OPCML: variants seen among roughly 807,000 people sequenced by gnomAD.
OPCML encodes the protein opioid binding protein/cell adhesion molecule like, also known as opioid-binding protein/cell adhesion molecule.
In OPCML, 13 loss-of-function variants were observed where a neutral mutation model predicts 37.8. The observed-to-expected ratio is 0.34, with a 90% confidence interval of 0.22 to 0.55. The LOEUF is 0.55. OPCML is among the 20% of genes least tolerant of loss of function. The pLI is 0.91. For missense variants in OPCML, 341 were observed against 435.6 expected (o/e 0.78, Z 1.93); for synonymous variants, 176 against 168.8 (o/e 1.04, Z -0.33).
At chr11:133,232,061 G>A (rs1940302580) in intron 1 of OPCML, among the ~76,000 whole-genome samples, 1 of 152,168 alleles carries the variant, frequency 6.6e-6, no homozygotes, top group Non-Finnish European at 1.5e-5. Flanking sequence ...ATTCACTGAA[G>A]GCTGCTGGAT....
chr11:132,660,475 A>G (rs1941919358), intron 2 of OPCML, among the ~76,000 whole-genome samples: 1 of 152,190 alleles, frequency 6.6e-6, no homozygotes, highest in African/African-American at 2.4e-5. Context: ...AATTCATTCA[A>G]TTTCTCAGTA....
intron 7 of OPCML, among the ~76,000 whole-genome samples, chr11:132,424,355 G>A (rs61304838): frequency 0.2 from 31,058 of 152,056 alleles, 6,569 homozygotes; most frequent in African/African-American, 0.53. Flanking sequence ...TCCTGACCTC[G>A]TGATCTGCCC....
At chr11:133,151,884 C>T (rs919401130) in intron 1 of OPCML, among the ~76,000 whole-genome samples, 1 of 152,194 alleles carries the variant, frequency 6.6e-6, no homozygotes, top group African/African-American at 2.4e-5. Context: ...CATTATCCTT[C>T]CATTCAAGAC....
chr11:132,728,602 C>T (rs1410073141), intron 2 of OPCML, among the ~76,000 whole-genome samples: 2 of 152,064 alleles, frequency 1.3e-5, no homozygotes, highest in Non-Finnish European at 2.9e-5. Flanking sequence ...TTCAACACAG[C>T]CTCCATGGTG....
chr11:132,773,823 G>C (rs918407942), intron 2 of OPCML, among the ~76,000 whole-genome samples: 3 of 151,822 alleles, frequency 2.0e-5, no homozygotes, highest in Non-Finnish European at 4.4e-5. Context: ...GCCCATTTCT[G>C]CATGTCCCAC....
At chr11:132,565,129 G>A (rs530531399) in intron 3 of OPCML, among the ~76,000 whole-genome samples, 341 of 152,238 alleles carry the variant, frequency 2.2e-3, no homozygotes, top group Non-Finnish European at 3.9e-3. Context: ...AACAAAAATA[G>A]GAAGCATCAC....
intron 4 of OPCML, among the ~76,000 whole-genome samples, chr11:132,461,288 A>G (rs2096100755): frequency 6.6e-6 from 1 of 152,120 alleles, no homozygotes; most frequent in South Asian, 2.1e-4. Flanking sequence ...TATGGAGGAA[A>G]GAGGGGCTGC....
intron 4 of OPCML, among the ~76,000 whole-genome samples, chr11:132,487,512 C>T (rs1247880662): frequency 6.6e-6 from 1 of 152,182 alleles, no homozygotes; most frequent in Non-Finnish European, 1.5e-5. Flanking sequence ...AGCAAATGTG[C>T]CTCCTCTCTT....
chr11:132,583,192 T>C (rs974472239), intron 3 of OPCML, among the ~76,000 whole-genome samples: 1 of 151,920 alleles, frequency 6.6e-6, no homozygotes, highest in Admixed American at 6.6e-5. Flanking sequence ...CTCCCAAGTA[T>C]CTGGGATGAC....
chr11:132,421,866 A>G (rs1176836485), intron 7 of OPCML, among the ~76,000 whole-genome samples: 1 of 152,196 alleles, frequency 6.6e-6, no homozygotes, highest in Admixed American at 6.5e-5. Flanking sequence ...ACTGAGCTAG[A>G]AATGCTCAGG....
chr11:133,493,922 G>A (rs1346718128), intron 1 of OPCML, among the ~76,000 whole-genome samples: 1 of 151,468 alleles, frequency 6.6e-6, no homozygotes, highest in African/African-American at 2.4e-5. Context: ...GAGTGAACAG[G>A]CAACCCACAA....
intron 4 of OPCML, among the ~76,000 whole-genome samples, chr11:132,454,610 A>G (rs1208408260): frequency 6.6e-6 from 1 of 152,210 alleles, no homozygotes; most frequent in Non-Finnish European, 1.5e-5. Flanking sequence ...GCCAGCACCC[A>G]GGGCCTTCGG....
rs557124343 is a variant in OPCML, at chr11:132,608,884, C to G, written c.379+48203G>C. 6.6e-4 allele frequency among the ~76,000 whole-genome samples: 100 copies of G among 152,300 alleles called. 1 individual carries two copies. Among genetic ancestry groups the G allele is most frequent in the Middle Eastern group, 3.4e-3 (1 of 294 alleles). On this transcript the variant is annotated intron_variant, in intron 3 of 7. Transcript: ENST00000524381. ...TTGCTTCCTCCTGCTCCACTGTGTA[C>G]CTCCAGTGTGTCGTGAGTTCCAATA... is the stretch of plus-strand genomic sequence containing the variant.
intron 1 of OPCML, among the ~76,000 whole-genome samples, chr11:132,994,213 T>TGGTGC (rs1946835711): frequency 6.6e-6 from 1 of 152,126 alleles, no homozygotes; most frequent in African/African-American, 2.4e-5. Flanking sequence ...CCGCAGCGGC[T>TGGTGC]GGTGCGCTCC....
intron 3 of OPCML, among the ~76,000 whole-genome samples, chr11:132,643,818 G>A (rs192147492): frequency 3.9e-5 from 6 of 152,288 alleles, no homozygotes; most frequent in African/African-American, 1.2e-4. Context: ...CTGCGTTAGA[G>A]AGCCATGTGC....
rs1030432356 is a variant in OPCML, at chr11:132,776,221, C to T, written c.147-118902G>A. Among the ~76,000 whole-genome samples the T allele has an allele frequency of 7.2e-5, 11 of 152,190 alleles. No homozygotes were observed. The South Asian group carries it at 1.2e-3, about 17-fold the overall frequency. ...TGTGATTATAGGTGTTGAGTCACCG[C>T]GCCCAGCTGCATCCTGTTTCTTTCA... On this transcript the variant is annotated intron_variant, in intron 2 of 7. Transcript: ENST00000524381.
chr11:132,846,030 C>G (rs4937734), intron 2 of OPCML, among the ~76,000 whole-genome samples: 9 of 151,972 alleles, frequency 5.9e-5, no homozygotes, highest in African/African-American at 2.2e-4. Context: ...CACCATCACT[C>G]CTTTACAGTG....
chr11:132,444,863 C>T (rs1476365187), intron 4 of OPCML, among the ~76,000 whole-genome samples: 1 of 152,186 alleles, frequency 6.6e-6, no homozygotes, highest in African/African-American at 2.4e-5. Context: ...CTCCCAACTT[C>T]CAGATTTGTT....
intron 1 of OPCML, among the ~76,000 whole-genome samples, chr11:133,523,834 A>G (rs1249695546): frequency 6.6e-6 from 1 of 152,134 alleles, no homozygotes; most frequent in Non-Finnish European, 1.5e-5. Context: ...TTGGGTGTGG[A>G]TAATTTCTAC....
Sources: allele counts gnomAD v4.1 joint callset (sites outside exome capture counted in the v4.1 genomes callset), GRCh38; gene constraint gnomAD v4.1.1; transcripts MANE v1.5; gene names NCBI Gene and HGNC (gene_info 2026-07-23, HGNC 2026-07-21).